The following FYCO1 variants were observed in gnomAD, a reference collection of about 807,000 sequenced individuals.
The protein encoded by FYCO1 is FYVE and coiled-coil domain-containing protein 1.
A neutral mutation model predicts 165.1 loss-of-function variants in FYCO1; 122 were observed. The observed-to-expected ratio is 0.74, with a 90% CI of 0.64 to 0.86. FYCO1 has a LOEUF of 0.86. Among genes scored for constraint, FYCO1 ranks in the 40% least tolerant of loss-of-function variants. The probability of loss-of-function intolerance (pLI) is 0.00; values close to 1 mark genes in which losing one functional copy is unlikely to be tolerated. For missense variants in FYCO1, 1,702 were observed against 1,810.3 expected, an observed-to-expected ratio of 0.94 and a Z score of 1.09; for synonymous variants, 648 against 742.5, an observed-to-expected ratio of 0.87 and a Z score of 2.07.
At position 45,921,478 on chromosome 3, in the gene FYCO1, G is replaced by T; in HGVS notation, c.*287C>A. The T allele has an allele frequency of 2.4e-6, 1 of 424,752 alleles. No homozygotes were observed. The highest frequency in any genetic ancestry group is 4.4e-6 in the Non-Finnish European group (1 of 225,840). The allele number at this position is 424,752 out of a possible 1,614,324, so 26.3% of individuals were successfully genotyped here. A position where few individuals can be genotyped will look rare whatever the true frequency, so the allele number is the denominator to read the frequency against. On this transcript the variant is annotated 3_prime_UTR_variant, in exon 18 of 18. Coordinates refer to ENST00000296137, the MANE Select transcript of FYCO1 (RefSeq NM_024513.4). ...ACTGTGCTCCCAGGAGAGGCTGATG[G>T]TCTCCTGGGTGTTTAAACCTTTGGC...
At chr3:45,936,951 C>A (rs1703926009) in intron 14 of FYCO1, among the ~76,000 whole-genome samples, 1 of 152,196 alleles carries the variant, frequency 6.6e-6, no homozygotes, top group African/African-American at 2.4e-5. Context: ...TGGCCTATCC[C>A]TGGGGCACAA....
chr3:45,967,521 C>T lies in FYCO1; in HGVS notation c.1813G>A (p.Val605Met). 1.2e-6 allele frequency: 2 copies of T among 1,613,814 alleles called. No individual in the cohort carries two copies. The highest frequency in any genetic ancestry group is 1.7e-6 in the Non-Finnish European group (2 of 1,179,978). ...TCTTCCTCCTGGCTGCCCTCTTGCA[C>T]CTTGGTATCGTCTAACTGTGCCTCC... ...LQEAQLDDTK[V>M]QEGSQEEELR... is the part of the protein sequence containing the mutation. The change falls in exon 8 of 18, where the codon GTG becomes ATG. Residue 605 changes from valine to methionine, a missense_variant. Transcript: ENST00000296137.
At chr3:45,953,781 T>G (rs938803179) in intron 14 of FYCO1, among the ~76,000 whole-genome samples, 1 of 152,222 alleles carries the variant, frequency 6.6e-6, no homozygotes. Context: ...GGAAAGTCCC[T>G]TGGGTTCCAC....
Position 45,964,920 on chromosome 3 carries a change from G to T in FYCO1, c.3150+113C>A. 1.2e-6 allele frequency: 1 copy of T among 846,754 alleles called. No individual in the cohort carries two copies. The allele number at this position is 846,754 out of a possible 1,614,324, so 52.5% of individuals were successfully genotyped here. On this transcript the variant is annotated intron_variant, in intron 9 of 17. Transcript: ENST00000296137. This position sits in a 1 kb window ranked among gnomAD's most constrained non-coding sequence, Gnocchi z 4.1. ...ACTAGGGTGTCTACAAAGGTGAACT[G>T]AGGACGGCTTCAGCTTGGGAATCTG...
rs778340557 is a variant in FYCO1, at chr3:45,955,370, G to C, written c.3823C>G (p.Pro1275Ala). 6.2e-7 allele frequency: 1 copy of C among 1,614,166 alleles called. No individual in the cohort carries two copies. The highest frequency in any genetic ancestry group is 1.3e-5 in the African/African-American group (1 of 75,040). The change falls in exon 14 of 18, where the codon CCG (proline) becomes GCG (alanine). Residue 1275 changes from proline to alanine, a missense_variant. By Grantham distance (27) the Pro-to-Ala change is conservative. Coordinates refer to ENST00000296137, the MANE Select transcript of FYCO1 (RefSeq NM_024513.4). Reference sequence around the variant, plus strand: ...ATGATATCAAACACAGCGTCGTCCGGTGGCCTGTAGTCTGTATTTGCTCCT... The same window carrying C: ...ATGATATCAAACACAGCGTCGTCCGCTGGCCTGTAGTCTGTATTTGCTCCT... ...GQGANTDYRP[P>A]DDAVFDIITD...
chr3:45,930,365 C>A (rs530096774), intron 16 of FYCO1, among the ~76,000 whole-genome samples: 1 of 152,252 alleles, frequency 6.6e-6, no homozygotes, highest in Admixed American at 6.5e-5. Context: ...ACCCATGGAG[C>A]CCTGCCCAAC....
At chr3:45,929,082 T>C (rs1274895890) in intron 16 of FYCO1, among the ~76,000 whole-genome samples, 11 of 152,306 alleles carry the variant, frequency 7.2e-5, no homozygotes, top group Non-Finnish European at 1.5e-4. Context: ...CCGGGATAGA[T>C]ATTGAGGGCA....
At position 45,968,410 on chromosome 3, in the gene FYCO1, G is replaced by C. The variant is rs201661843; in HGVS notation, c.924C>G (p.Thr308=). ...LQKQWEVTQA[T]QNTVKELQTC... The stretch of plus-strand genomic sequence containing the variant: ...TCTGCAGCTCCTTCACAGTGTTCTG[G>C]GTGGCCTGGGTGACCTCCCACTGCT... Residue 308 remains threonine (T), a synonymous_variant, in exon 8 of 18, where the codon ACC becomes ACG. Coordinates refer to ENST00000296137, the MANE Select transcript of FYCO1 (RefSeq NM_024513.4). 19 of 1,613,776 alleles carry C rather than the reference G, an allele frequency of 1.2e-5. No individual in the cohort carries two copies. In the East Asian group the frequency reaches 3.8e-4, roughly 32 times the overall value.
intron 14 of FYCO1, chr3:45,946,630 C>A: frequency 1.9e-6 from 3 of 1,614,204 alleles, no homozygotes; most frequent in Non-Finnish European, 1.7e-6. Context: ...GTGGGGAACT[C>A]TCTGGTGCTG....
At chr3:45,935,777 AG>A (rs1703856861) in intron 15 of FYCO1, among the ~76,000 whole-genome samples, 1 of 152,216 alleles carries the variant, frequency 6.6e-6, no homozygotes, top group African/African-American at 2.4e-5. Context: ...AAGCTTGATG[AG>A]GGCGAGGGGT....
chr3:45,928,687 T>C (rs1485576882), intron 16 of FYCO1, among the ~76,000 whole-genome samples: 4 of 152,148 alleles, frequency 2.6e-5, no homozygotes, highest in African/African-American at 9.7e-5. Flanking sequence ...TCCTCCACTG[T>C]GGTCTTCATC....
At position 45,975,341 on chromosome 3, in the gene FYCO1, C is replaced by T. The variant is rs750946150; in HGVS notation, c.293G>A (p.Arg98Gln). ...TGCTCTTCCTTTCCCCAAGGATGTT[C>T]GGAGCTGGAAAAAGCAGATTACATA... ...IRFVKSISEL[R>Q]TSLGKGRAFI... is the part of the protein sequence containing the mutation. The change falls in exon 5 of 18, where the codon CGA becomes CAA. Residue 98 changes from arginine (R) to glutamine (Q), a missense_variant. By Grantham distance (43) the Arg-to-Gln change is conservative. Coordinates refer to ENST00000296137, the MANE Select transcript of FYCO1 (RefSeq NM_024513.4). The T allele has an allele frequency of 2.7e-5, 43 of 1,613,578 alleles. No homozygotes were observed. Among genetic ancestry groups the T allele is most frequent in the African/African-American group, 2.0e-4 (15 of 75,000 alleles).
rs750029750 is a variant in FYCO1, at chr3:45,969,708, G to A, written c.597C>T (p.Ser199=). ...AYLWKPPSRS[S]SMSSLVSSYL... ...AGCTGCTCACCAAGCTGCTCATGCT[G>A]GAGCTGCGGCTAGGGGGTTTCCACA... Residue 199 remains serine (S), a synonymous_variant, in exon 7 of 18, where the codon TCC becomes TCT. Transcript: ENST00000296137. 3.7e-6 allele frequency: 6 copies of A among 1,614,088 alleles called. No homozygotes were observed. In the South Asian group the frequency reaches 6.6e-5, roughly 18 times the overall value.
intron 13 of FYCO1, 56 bp from the exon 14 acceptor site, chr3:45,955,449 G>C: frequency 6.2e-7 from 1 of 1,601,218 alleles, no homozygotes; most frequent in East Asian, 2.2e-5. Context: ...TTATGCATAG[G>C]CTGGGTAAGG....
intron 7 of FYCO1, 36 bp downstream of exon 7, chr3:45,969,639 C>G: frequency 6.5e-7 from 1 of 1,532,578 alleles, no homozygotes; most frequent in Non-Finnish European, 9.0e-7. Flanking sequence ...CTGGTAGAAG[C>G]TATAGGAAGA....
intron 3 of FYCO1, among the ~76,000 whole-genome samples, chr3:45,980,350 AAAG>A (rs1706983775): frequency 2.8e-5 from 2 of 71,918 alleles, no homozygotes; most frequent in South Asian, 1.2e-3. Context: ...ACTCTGTCTC[AAAG>A]AAAAAAAAAA....
intron 14 of FYCO1, among the ~76,000 whole-genome samples, chr3:45,936,968 G>A (rs1233211505): frequency 1.3e-5 from 2 of 152,292 alleles, no homozygotes; most frequent in Non-Finnish European, 2.9e-5. Flanking sequence ...ACAAGAACAG[G>A]CACCCAGGGG....
At chr3:45,970,053 G>A (rs899343611) in intron 6 of FYCO1, among the ~76,000 whole-genome samples, 19 of 152,122 alleles carry the variant, frequency 1.2e-4, no homozygotes, top group Admixed American at 4.6e-4. Context: ...TGAGCTTTTG[G>A]TGCCTGCCTC....
intron 1 of FYCO1, among the ~76,000 whole-genome samples, chr3:45,991,612 C>G (rs1160585530): frequency 6.6e-6 from 1 of 152,328 alleles, no homozygotes; most frequent in East Asian, 1.9e-4. Context: ...GCCAGCTGCT[C>G]CAGTCTCGCT....
Sources: gnomAD v4.1 joint callset for allele counts (sites outside exome capture counted in the v4.1 genomes callset) on GRCh38, gnomAD v4.1.1 for gene constraint, Gnocchi (gnomAD v3.1) non-coding constraint, MANE v1.5 for transcripts, NCBI Gene and HGNC (gene_info 2026-07-23, HGNC 2026-07-21) for gene names.